FSD2: variants seen among roughly 807,000 people sequenced by gnomAD.
FSD2 encodes the protein fibronectin type III and SPRY domain-containing protein 2.
Under a neutral mutation model 80.4 loss-of-function variants are expected in FSD2, and 71 were observed. The ratio of observed to expected loss-of-function variants is 0.88; its 90% CI spans 0.73 to 1.08. The LOEUF (loss-of-function observed/expected upper bound fraction) is 1.08, where lower values mean the gene tolerates loss of function less well. FSD2 is among the 50% of genes least tolerant of loss of function. The pLI, the probability that FSD2 is intolerant of heterozygous loss-of-function variation, is 0.00. For missense variants in FSD2, 923 were observed against 913.8 expected, an observed-to-expected ratio of 1.01 and a Z score of -0.13; for synonymous variants, 361 against 329.5, an observed-to-expected ratio of 1.10 and a Z score of -1.03.
intron 3 of FSD2, 22 bp from the exon 4 acceptor site, chr15:82,783,047 TC>T (rs1353032728): frequency 6.5e-7 from 1 of 1,535,652 alleles, no homozygotes; most frequent in African/African-American, 1.4e-5. Flanking sequence ...TTGATCTCAG[TC>T]ATCATTTCAG....
At chr15:82,781,077 C>T (rs2049845666) in intron 4 of FSD2, among the ~76,000 whole-genome samples, 1 of 152,170 alleles carries the variant, frequency 6.6e-6, no homozygotes, top group Non-Finnish European at 1.5e-5. Context: ...TATGTAAGCA[C>T]TTTCCATGTA....
chr15:82,784,767 G>A (rs890751782), intron 3 of FSD2, among the ~76,000 whole-genome samples: 2 of 152,126 alleles, frequency 1.3e-5, no homozygotes, highest in Middle Eastern at 3.2e-3. Flanking sequence ...GGTACCATCC[G>A]AAGCTGCATT....
At chr15:82,778,686 T>C in intron 6 of FSD2, 80 bp downstream of exon 6, 1 of 1,455,390 alleles carries the variant, frequency 6.9e-7, no homozygotes. Flanking sequence ...ATAGATCTCA[T>C]GCTAAGTGTT....
intron 1 of FSD2, among the ~76,000 whole-genome samples, chr15:82,803,022 A>G (rs1419286064): frequency 1.3e-5 from 2 of 152,110 alleles, no homozygotes; most frequent in Non-Finnish European, 2.9e-5. Context: ...TGGGGGTACA[A>G]TGGATGAGAC....
rs1343854096 is a variant in FSD2, at chr15:82,764,570, G to A, written c.1820+596C>T. On this transcript the variant is annotated intron_variant, in intron 11 of 12. Coordinates refer to ENST00000334574, the MANE Select transcript of FSD2 (RefSeq NM_001007122.4). ...AGTGTAGTGGCGCCATCTCCGCCCCGCGGGTTCAAGCAATTCTTCTGCCTC... is the reference window on the plus strand; with the variant it reads ...AGTGTAGTGGCGCCATCTCCGCCCCACGGGTTCAAGCAATTCTTCTGCCTC... 2.9e-5 allele frequency among the ~76,000 whole-genome samples: 4 copies of A among 136,822 alleles called. 1 individual carries two copies. The highest frequency in any genetic ancestry group is 2.7e-5 in the African/African-American group (1 of 37,004). 89.8% of individuals were successfully genotyped at this position (136,822 alleles called of 152,430 possible). A position where few individuals can be genotyped will look rare whatever the true frequency, so the allele number is the denominator to read the frequency against.
rs777237292 is a variant in FSD2, at chr15:82,778,831, A to G, written c.1046T>C (p.Phe349Ser). ...TDVEISAQPE[F>S]EDQTLDFSDV... is the part of the protein sequence containing the mutation. Reference sequence around the variant, plus strand: ...AGAGAAATCCAAGGTCTGGTCTTCAAACTCAGGCTGTGCAGAGATTTCCAC... The same window carrying G: ...AGAGAAATCCAAGGTCTGGTCTTCAGACTCAGGCTGTGCAGAGATTTCCAC... Residue 349 changes from phenylalanine to serine, a missense_variant, in exon 6 of 13, where the codon TTT (phenylalanine) becomes TCT (serine). By Grantham distance (155) the Phe-to-Ser change is radical (BLOSUM62 -2). Transcript: ENST00000334574. The G allele has an allele frequency of 1.2e-6, 2 of 1,614,008 alleles. No individual in the cohort carries two copies. The highest frequency in any genetic ancestry group is 1.7e-5 in the Admixed American group (1 of 60,022).
intron 1 of FSD2, among the ~76,000 whole-genome samples, chr15:82,795,995 CTTTTCTTTTTTTTTTTTT>C (rs2050256558): frequency 2.3e-5 from 3 of 130,676 alleles, no homozygotes. Flanking sequence ...TTTTCTTTTT[CTTTTCTTTTTTTTTTTTT>C]TTTTTTGAGA....
intron 1 of FSD2, among the ~76,000 whole-genome samples, chr15:82,805,140 ATT>A (rs57346494): frequency 6.3e-4 from 83 of 131,570 alleles, no homozygotes; most frequent in South Asian, 7.2e-4. Flanking sequence ...TCCCCCAATA[ATT>A]TTTTTTTTTT....
chr15:82,786,881 C>A lies in FSD2; in HGVS notation c.510G>T (p.Glu170Asp). ...EYECYVIPEE[E>D]DEEEAADVFC... The stretch of plus-strand genomic sequence containing the variant: ...AGACATCAGCAGCTTCTTCTTCATC[C>A]TCTTCCTCGGGGATGACATAGCATT... The change falls in exon 2 of 13, where the codon GAG becomes GAT. Residue 170 changes from glutamate (E) to aspartate (D), a missense_variant. Coordinates refer to ENST00000334574, the MANE Select transcript of FSD2 (RefSeq NM_001007122.4). 6.2e-7 allele frequency: 1 copy of A among 1,613,990 alleles called. No individual in the cohort carries two copies. Among genetic ancestry groups the A allele is most frequent in the Non-Finnish European group, 8.5e-7 (1 of 1,179,892 alleles).
rs1255910979 is a variant in FSD2 at position 82,768,961 on chromosome 15, T to C, written c.1472A>G (p.Glu491Gly). Residue 491 changes from glutamate (E) to glycine (G), a missense_variant, in exon 9 of 13, where the codon GAG (glutamate) becomes GGG (glycine). Coordinates refer to ENST00000334574, the MANE Select transcript of FSD2 (RefSeq NM_001007122.4). The part of the protein sequence containing the change: ...SCEEAVLICW[E>G]SGNLNPVDSY... ...GTCCACAGGATTCAGGTTCCCAGAC[T>C]CCCAGCAAATCAGCACAGCCTCTTC... 4 of 1,607,866 alleles carry C rather than the reference T, an allele frequency of 2.5e-6. No homozygotes were observed. The highest frequency in any genetic ancestry group is 3.4e-6 in the Non-Finnish European group (4 of 1,177,316).
intron 11 of FSD2, 141 bp downstream of exon 11, chr15:82,765,025 C>T (rs1596229020): frequency 8.6e-6 from 9 of 1,049,662 alleles, no homozygotes; most frequent in Non-Finnish European, 1.2e-5. Flanking sequence ...GTCCCCTCCC[C>T]ATTAGGCTCC....
chr15:82,784,927 A>G (rs2049959511), intron 3 of FSD2, among the ~76,000 whole-genome samples: 1 of 152,210 alleles, frequency 6.6e-6, no homozygotes, highest in Non-Finnish European at 1.5e-5. Flanking sequence ...GGACTGTGGC[A>G]TGTTTGGTGA....
chr15:82,765,058 A>G (rs2049381877), intron 11 of FSD2, 108 bp downstream of exon 11: 1 of 1,310,376 alleles, frequency 7.6e-7, no homozygotes, highest in East Asian at 2.7e-5. Flanking sequence ...CATTTGTAGG[A>G]TTCCTTTTCC....
At chr15:82,798,416 A>C (rs2050329541) in intron 1 of FSD2, among the ~76,000 whole-genome samples, 1 of 152,190 alleles carries the variant, frequency 6.6e-6, no homozygotes, top group South Asian at 2.1e-4. Flanking sequence ...GATTTTTAGT[A>C]AATTCCCCAA....
intron 1 of FSD2, among the ~76,000 whole-genome samples, chr15:82,791,288 G>A (rs577138739): frequency 3.9e-5 from 6 of 152,058 alleles, no homozygotes; most frequent in South Asian, 2.1e-4. Context: ...GTGAGCCACC[G>A]CACCCGGCAA....
chr15:82,765,497 C>T (rs72753951), intron 10 of FSD2, among the ~76,000 whole-genome samples, 199 bp from the exon 11 acceptor site: 1 of 152,050 alleles, frequency 6.6e-6, no homozygotes, highest in African/African-American at 2.4e-5. Context: ...ATCCTCACGA[C>T]GACCCTTAGA....
chr15:82,768,297 C>G (rs1303256673), intron 9 of FSD2, among the ~76,000 whole-genome samples: 1 of 152,194 alleles, frequency 6.6e-6, no homozygotes, highest in African/African-American at 2.4e-5. Context: ...TCATGCAGCC[C>G]CCTCCCCCCG....
Position 82,787,011 on chromosome 15 carries a change from G to T in FSD2, c.380C>A (p.Ala127Glu). 1.2e-6 allele frequency: 2 copies of T among 1,613,900 alleles called. No individual in the cohort carries two copies. Among genetic ancestry groups the T allele is most frequent in the Non-Finnish European group, 1.7e-6 (2 of 1,179,876 alleles). Residue 127 changes from alanine (A) to glutamate (E), a missense_variant, in exon 2 of 13, where the codon GCG becomes GAG. Transcript: ENST00000334574. Reference protein sequence around the residue: ...QRDWRLSGEAAEAEDLGFGGW... With the variant: ...QRDWRLSGEAEEAEDLGFGGW... ...TCCGAAGCCCAGGTCCTCGGCCTCC[G>T]CTGCCTCTCCACTAAGTCTCCAGTC...
At chr15:82,794,998 A>G (rs2050231441) in intron 1 of FSD2, among the ~76,000 whole-genome samples, 1 of 152,142 alleles carries the variant, frequency 6.6e-6, no homozygotes, top group Non-Finnish European at 1.5e-5. Flanking sequence ...TGCTGGGATT[A>G]CAGGTGTGAG....
Sources: allele counts gnomAD v4.1 joint callset (sites outside exome capture counted in the v4.1 genomes callset), GRCh38; gene constraint gnomAD v4.1.1; transcripts MANE v1.5; gene names NCBI Gene and HGNC (gene_info 2026-07-23, HGNC 2026-07-21).